Variants in XYLT1 observed in about 807,000 individuals in gnomAD.
XYLT1 encodes beta-D-xylosyltransferase 1.
In XYLT1, 36 loss-of-function variants were observed where a neutral mutation model predicts 91.3. That is an observed-to-expected ratio of 0.39 (90% CI 0.30 to 0.52). The LOEUF (loss-of-function observed/expected upper bound fraction) is 0.52, where lower values mean the gene tolerates loss of function less well. XYLT1 is among the 20% of genes least tolerant of loss of function. The pLI is 0.68. For missense variants in XYLT1, 1,242 were observed against 1,284.5 expected (o/e 0.97, Z 0.51); for synonymous variants, 588 against 532.0 (o/e 1.11, Z -1.45).
chr16:17,433,847 G>A (rs1287573019), intron 1 of XYLT1, among the ~76,000 whole-genome samples: 1 of 152,128 alleles, frequency 6.6e-6, no homozygotes, highest in South Asian at 2.1e-4. Flanking sequence ...TAAGATACTG[G>A]AGAATACAGT....
intron 11 of XYLT1, among the ~76,000 whole-genome samples, chr16:17,117,122 T>A (rs1190675034): frequency 1.3e-5 from 2 of 152,208 alleles, no homozygotes; most frequent in Non-Finnish European, 2.9e-5. Context: ...TGTGTTCCAA[T>A]AAAACTTTAT....
chr16:17,242,346 T>G (rs560288634), intron 3 of XYLT1, among the ~76,000 whole-genome samples: 4 of 152,360 alleles, frequency 2.6e-5, no homozygotes, highest in East Asian at 3.9e-4. Flanking sequence ...CTGCAAAACC[T>G]GAACTATTTA....
chr16:17,262,669 A>T (rs976476053), intron 2 of XYLT1, among the ~76,000 whole-genome samples: 5 of 152,180 alleles, frequency 3.3e-5, no homozygotes, highest in Admixed American at 2.0e-4. Context: ...CAGTGACTGG[A>T]ACCCATAAGG....
intron 1 of XYLT1, among the ~76,000 whole-genome samples, chr16:17,384,272 C>A (rs1474708429): frequency 6.6e-6 from 1 of 151,574 alleles, no homozygotes; most frequent in African/African-American, 2.4e-5. Context: ...TACAACCAAT[C>A]CCAGGTAAGT....
intron 9 of XYLT1, among the ~76,000 whole-genome samples, chr16:17,128,802 C>G (rs1232679395): frequency 6.6e-6 from 1 of 152,142 alleles, no homozygotes; most frequent in Non-Finnish European, 1.5e-5. Context: ...TCGGAGGAGA[C>G]CAGTTTGGTA....
intron 1 of XYLT1, among the ~76,000 whole-genome samples, chr16:17,370,039 A>G (rs1250408938): frequency 6.6e-6 from 1 of 152,178 alleles, no homozygotes; most frequent in Non-Finnish European, 1.5e-5. Flanking sequence ...CGAGACCCTT[A>G]CAAAGCCCCA....
At chr16:17,124,397 G>A (rs571695013) in intron 10 of XYLT1, among the ~76,000 whole-genome samples, 3 of 152,270 alleles carry the variant, frequency 2.0e-5, no homozygotes, top group African/African-American at 2.4e-5. Context: ...CTGGATACAC[G>A]ATGCGTGGCT....
intron 1 of XYLT1, among the ~76,000 whole-genome samples, chr16:17,367,840 G>C (rs958074280): frequency 2.0e-5 from 3 of 152,110 alleles, no homozygotes; most frequent in African/African-American, 7.2e-5. Flanking sequence ...TGTTTGGTGA[G>C]GCATGGGAGA....
chr16:17,120,616 A>G (rs993343989), intron 10 of XYLT1, among the ~76,000 whole-genome samples: 22 of 152,156 alleles, frequency 1.4e-4, no homozygotes. Context: ...CCACTGAGGT[A>G]CATATCTAAG....
At chr16:17,305,502 G>A (rs1460014861) in intron 2 of XYLT1, among the ~76,000 whole-genome samples, 18 of 147,242 alleles carry the variant, frequency 1.2e-4, no homozygotes, top group Admixed American at 9.0e-4. Context: ...TGAAACCTCC[G>A]CCTCCTGGGT....
chr16:17,165,530 C>CAA (rs34143212), intron 5 of XYLT1, among the ~76,000 whole-genome samples: 2 of 144,788 alleles, frequency 1.4e-5, no homozygotes, highest in East Asian at 4.1e-4. Flanking sequence ...ACTAAAAATA[C>CAA]AAAAAAAAAA....
At chr16:17,145,287 T>G (rs79092451) in intron 6 of XYLT1, among the ~76,000 whole-genome samples, 6,820 of 152,266 alleles carry the variant, frequency 0.045, 534 homozygotes, top group African/African-American at 0.15. Flanking sequence ...TCCTTAAATC[T>G]CAGTTTACTT....
chr16:17,267,021 C>T (rs561350980), intron 2 of XYLT1, among the ~76,000 whole-genome samples: 5 of 152,214 alleles, frequency 3.3e-5, no homozygotes, highest in Non-Finnish European at 4.4e-5. Flanking sequence ...CCACGCTGGA[C>T]GCAGGCAGGC....
intron 10 of XYLT1, among the ~76,000 whole-genome samples, chr16:17,125,440 T>C (rs2030226222): frequency 6.6e-6 from 1 of 152,168 alleles, no homozygotes; most frequent in Non-Finnish European, 1.5e-5. Flanking sequence ...GAGGCCTCTT[T>C]CCTACCAGTT....
chr16:17,410,623 C>CAAACCATA (rs1030095284), intron 1 of XYLT1, among the ~76,000 whole-genome samples: 1 of 150,638 alleles, frequency 6.6e-6, no homozygotes, highest in Non-Finnish European at 1.5e-5. Context: ...GGGACACAGC[C>CAAACCATA]AAACCATATC....
rs538937903 is a variant in XYLT1 at position 17,259,343 on chromosome 16, C to T, written c.558G>A (p.Pro186=). Residue 186 remains proline, a synonymous_variant, in exon 3 of 12, where the codon CCG becomes CCA. Coordinates refer to ENST00000261381, the MANE Select transcript of XYLT1 (RefSeq NM_022166.4). ...KHQPELAKKP[P]SRQKELLKRK... ...TTTTCAAAAGCTCCTTCTGTCTACT[C>T]GGTGGCTTCTTCGCCAACTCAGGCT... 1.5e-5 allele frequency: 24 copies of T among 1,614,170 alleles called. No individual in the cohort carries two copies. The highest frequency in any genetic ancestry group is 5.3e-5 in the African/African-American group (4 of 75,044).
At chr16:17,211,343 C>T (rs1382492735) in intron 3 of XYLT1, among the ~76,000 whole-genome samples, 1 of 152,160 alleles carries the variant, frequency 6.6e-6, no homozygotes, top group Non-Finnish European at 1.5e-5. Context: ...AAGGTCCAGA[C>T]AATGTTTTGA....
intron 1 of XYLT1, among the ~76,000 whole-genome samples, chr16:17,445,261 G>A (rs975976993): frequency 9.2e-5 from 14 of 152,168 alleles, no homozygotes; most frequent in African/African-American, 3.4e-4. Context: ...CTCCCAAAGT[G>A]CTGGGATTAC....
chr16:17,287,229 C>A (rs1301779937), intron 2 of XYLT1, among the ~76,000 whole-genome samples: 5 of 152,022 alleles, frequency 3.3e-5, no homozygotes, highest in Non-Finnish European at 7.4e-5. Flanking sequence ...GCTCCATCAC[C>A]CACTCAGACA....
Sources: gnomAD v4.1 joint callset for allele counts (sites outside exome capture counted in the v4.1 genomes callset) on GRCh38, gnomAD v4.1.1 for gene constraint, MANE v1.5 for transcripts, NCBI Gene and HGNC (gene_info 2026-07-23, HGNC 2026-07-21) for gene names.